Variants in FGGY observed in about 807,000 individuals in gnomAD.
The protein encoded by FGGY is FGGY carbohydrate kinase domain-containing protein.
In FGGY, 72 loss-of-function variants were observed where a neutral mutation model predicts 71.3. That is an observed-to-expected ratio of 1.01 (90% CI 0.84 to 1.23). FGGY has a LOEUF of 1.23. Among genes scored for constraint, FGGY ranks in the 50% most tolerant of loss-of-function variants. The pLI is 0.00. For synonymous variants in FGGY, 251 were observed against 250.3 expected, an observed-to-expected ratio of 1.00 and a Z score of -0.02; for missense variants, 668 against 682.3, an observed-to-expected ratio of 0.98 and a Z score of 0.23.
chr1:59,581,547 G>A (rs1264333765), intron 8 of FGGY, among the ~76,000 whole-genome samples: 1 of 149,856 alleles, frequency 6.7e-6, no homozygotes, highest in East Asian at 1.9e-4. Context: ...GAGGGCTGTG[G>A]CTGTGGCTTA....
At chr1:59,464,496 G>C (rs113341791) in intron 6 of FGGY, among the ~76,000 whole-genome samples, 23 of 152,148 alleles carry the variant, frequency 1.5e-4, no homozygotes, top group African/African-American at 5.1e-4. Context: ...GATAGCAGAA[G>C]GCAAGAAATA....
At chr1:59,444,866 A>G (rs1392847753) in intron 5 of FGGY, among the ~76,000 whole-genome samples, 3 of 152,074 alleles carry the variant, frequency 2.0e-5, no homozygotes. Context: ...AAGGCTGGGG[A>G]CCGCTGGTAT....
chr1:59,669,971 T>C (rs2097363005), intron 13 of FGGY, among the ~76,000 whole-genome samples: 1 of 152,202 alleles, frequency 6.6e-6, no homozygotes, highest in South Asian at 2.1e-4. Flanking sequence ...GAAACTGTTC[T>C]CCTCTAGGCT....
chr1:59,547,779 T>C (rs11801055), intron 7 of FGGY, among the ~76,000 whole-genome samples: 10,248 of 152,232 alleles, frequency 0.067, 734 homozygotes, highest in African/African-American at 0.18. Context: ...AACCAATCAA[T>C]ATTTTTCACC....
At chr1:59,435,081 A>T (rs1375790490) in intron 5 of FGGY, among the ~76,000 whole-genome samples, 1 of 152,154 alleles carries the variant, frequency 6.6e-6, no homozygotes, top group African/African-American at 2.4e-5. Context: ...TAGTGAGACA[A>T]TGAGAATATC....
At chr1:59,580,723 T>A (rs770098051) in intron 8 of FGGY, among the ~76,000 whole-genome samples, 24 of 152,162 alleles carry the variant, frequency 1.6e-4, no homozygotes, top group Non-Finnish European at 2.1e-4. Context: ...GAATTTTCAA[T>A]CCCTCTATTC....
At chr1:59,375,955 G>A (rs760358002) in intron 4 of FGGY, among the ~76,000 whole-genome samples, 7 of 149,168 alleles carry the variant, frequency 4.7e-5, no homozygotes, top group Non-Finnish European at 7.4e-5. Context: ...TTGTTGCTGC[G>A]GTGGTTTGGC....
chr1:59,382,723 T>C (rs894728314), intron 5 of FGGY, among the ~76,000 whole-genome samples: 4 of 152,310 alleles, frequency 2.6e-5, no homozygotes, highest in African/African-American at 9.6e-5. Context: ...CAAGCAGTGC[T>C]AGTTGTCATG....
chr1:59,529,791 A>G (rs2153662012), intron 7 of FGGY, among the ~76,000 whole-genome samples: 1 of 152,316 alleles, frequency 6.6e-6, no homozygotes, highest in Admixed American at 6.5e-5. Context: ...GTTGGGGGAA[A>G]AGGCAAAGAG....
At chr1:59,676,736 C>T (rs1341197279) in intron 14 of FGGY, among the ~76,000 whole-genome samples, 1 of 152,254 alleles carries the variant, frequency 6.6e-6, no homozygotes, top group Non-Finnish European at 1.5e-5. Context: ...TAAAGACAAG[C>T]TCATGTCTCC....
chr1:59,354,156 G>C (rs1357255296), intron 4 of FGGY, among the ~76,000 whole-genome samples: 1 of 151,974 alleles, frequency 6.6e-6, no homozygotes, highest in Admixed American at 6.6e-5. Context: ...TGGCTCATTG[G>C]AACCTTTGCC....
rs547099734 is a variant in FGGY at position 59,346,980 on chromosome 1, T to G, written c.465+582T>G. Among the ~76,000 whole-genome samples, 35 of 150,030 alleles carry G rather than the reference T, an allele frequency of 2.3e-4. No individual in the cohort carries two copies. The East Asian group carries it at 6.8e-3, about 29-fold the overall frequency. ...TTTTTTTTTTTTTTAAGTATCAATT[T>G]CTCTTTTAATCTTAGACGTCGTGGT... On this transcript the variant is annotated intron_variant, in intron 4 of 15. Coordinates refer to ENST00000303721, the MANE Select transcript of FGGY (RefSeq NM_018291.5).
At chr1:59,470,850 T>G (rs1486214492) in intron 6 of FGGY, among the ~76,000 whole-genome samples, 1 of 152,278 alleles carries the variant, frequency 6.6e-6, no homozygotes, top group Admixed American at 6.5e-5. Flanking sequence ...TGTTTTTCAT[T>G]TTGATTTGAA....
chr1:59,514,519 T>A (rs2094592150), intron 7 of FGGY, among the ~76,000 whole-genome samples: 2 of 152,228 alleles, frequency 1.3e-5, no homozygotes, highest in Non-Finnish European at 2.9e-5. Context: ...TTAAGCCTTT[T>A]GTTCCCCGTA....
intron 3 of FGGY, among the ~76,000 whole-genome samples, chr1:59,343,620 T>G (rs2051161770): frequency 6.6e-6 from 1 of 152,206 alleles, no homozygotes; most frequent in African/African-American, 2.4e-5. Flanking sequence ...CACATTCTTC[T>G]TGATATCCTA....
chr1:59,735,582 T>C (rs563096587), intron 14 of FGGY, among the ~76,000 whole-genome samples: 1 of 152,322 alleles, frequency 6.6e-6, no homozygotes, highest in African/African-American at 2.4e-5. Flanking sequence ...TAGTGATTAC[T>C]TCTCAACCCA....
intron 14 of FGGY, among the ~76,000 whole-genome samples, chr1:59,739,368 AAC>A (rs1346950061): frequency 6.6e-6 from 1 of 152,154 alleles, no homozygotes; most frequent in East Asian, 1.9e-4. Flanking sequence ...CAGGCTACCA[AAC>A]ACAGCCTCAC....
chr1:59,629,807 G>T (rs559774230), intron 10 of FGGY, among the ~76,000 whole-genome samples: 16 of 152,264 alleles, frequency 1.1e-4, no homozygotes, highest in Admixed American at 7.8e-4. Flanking sequence ...TATAACATAG[G>T]ATAGTAATGG....
chr1:59,591,150 CAA>C (rs201636396), intron 8 of FGGY, among the ~76,000 whole-genome samples: 18,730 of 152,064 alleles, frequency 0.12, 1,318 homozygotes, highest in South Asian at 0.3. Context: ...CAATAACAGA[CAA>C]AGAGAGAGCC....
Sources: allele counts gnomAD v4.1 joint callset (sites outside exome capture counted in the v4.1 genomes callset), GRCh38; gene constraint gnomAD v4.1.1; transcripts MANE v1.5; gene names NCBI Gene and HGNC (gene_info 2026-07-23, HGNC 2026-07-21).